The following C6orf132 variants were observed in gnomAD, a reference collection of about 807,000 sequenced individuals.
C6orf132 encodes the protein chromosome 6 open reading frame 132.
C6orf132 carries 43 observed loss-of-function variants against 65.3 expected under a neutral mutation model. The observed-to-expected ratio is 0.66, with a 90% CI of 0.52 to 0.85. C6orf132 has a LOEUF of 0.85. C6orf132 is among the 40% of genes least tolerant of loss of function. C6orf132 has a pLI of 0.00. For missense variants in C6orf132, 1,488 were observed against 1,548.8 expected, an observed-to-expected ratio of 0.96 and a Z score of 0.66; for synonymous variants, 631 against 654.1, an observed-to-expected ratio of 0.96 and a Z score of 0.54.
chr6:42,107,081 C>A lies in C6orf132; in HGVS notation c.831G>T (p.Pro277=). The A allele has an allele frequency of 6.8e-7, 1 of 1,468,328 alleles. No individual in the cohort carries two copies. The highest frequency in any genetic ancestry group is 9.0e-7 in the Non-Finnish European group (1 of 1,111,976). 91.0% of individuals were successfully genotyped at this position (1,468,328 alleles called of 1,614,324 possible). A position where few individuals can be genotyped will look rare whatever the true frequency, so the allele number is the denominator to read the frequency against. Residue 277 remains proline (P), a synonymous_variant, in exon 4 of 5, where the codon CCG becomes CCT. Coordinates refer to ENST00000341865, the MANE Select transcript of C6orf132 (RefSeq NM_001164446.3). The part of the protein sequence containing the change: ...RQAEATRASP[P]RSPAEPKGSA... ...TCCCCTTTGGCTCAGCAGGGCTTCT[C>A]GGGGGGCTGGCTCTGGTGGCCTCTG... is the stretch of plus-strand genomic sequence containing the variant.
At chr6:42,115,146 C>A (rs538971502) in intron 2 of C6orf132, among the ~76,000 whole-genome samples, 23 of 150,102 alleles carry the variant, frequency 1.5e-4, no homozygotes, top group Non-Finnish European at 2.8e-4. Flanking sequence ...AAAAATTAGC[C>A]GGGCATGGTG....
chr6:42,105,533 C>T lies in C6orf132; in HGVS notation c.2379G>A (p.Gly793=). 1 of 1,534,006 alleles carries T rather than the reference C, an allele frequency of 6.5e-7. No individual in the cohort carries two copies. Among genetic ancestry groups the T allele is most frequent in the Non-Finnish European group, 8.7e-7 (1 of 1,144,972 alleles). The change falls in exon 4 of 5, where the codon GGG becomes GGA. Residue 793 remains glycine (G), a synonymous_variant. Transcript: ENST00000341865. Reference sequence around the variant, plus strand: ...CCACGGGCTCCCCTGGCCCTGCAGCCCCTCCTCTGGCCAGGGTGGGCATCA... The same window carrying T: ...CCACGGGCTCCCCTGGCCCTGCAGCTCCTCCTCTGGCCAGGGTGGGCATCA... The part of the protein sequence containing the change: ...AVVMPTLARG[G]AAGPGEPVEV...
At chr6:42,117,361 T>G (rs1766598894) in intron 2 of C6orf132, among the ~76,000 whole-genome samples, 1 of 152,130 alleles carries the variant, frequency 6.6e-6, no homozygotes, top group South Asian at 2.1e-4. Context: ...TTGCCCAAGG[T>G]CACACAGCTA....
rs530651793 is a variant in C6orf132 at position 42,113,865 on chromosome 6, G to A, written c.253-3574C>T. On this transcript the variant is annotated intron_variant, in intron 2 of 4. Transcript: ENST00000341865. ...AAAAAAAAAGAAAATTGAGCCAATA[G>A]TTCCTACTTTGCAGGGCTATTATGA... 1.2e-4 allele frequency among the ~76,000 whole-genome samples: 19 copies of A among 152,110 alleles called. No homozygotes were observed. The East Asian group carries it at 3.7e-3, about 29-fold the overall frequency.
At chr6:42,134,529 T>G (rs2127479736) in intron 1 of C6orf132, among the ~76,000 whole-genome samples, 1 of 151,888 alleles carries the variant, frequency 6.6e-6, no homozygotes, top group Admixed American at 6.6e-5. Context: ...ATCCCAGCAC[T>G]TTGGGAGGCC....
At chr6:42,132,722 C>T (rs1447172109) in intron 1 of C6orf132, among the ~76,000 whole-genome samples, 1 of 150,550 alleles carries the variant, frequency 6.6e-6, no homozygotes, top group Non-Finnish European at 1.5e-5. Context: ...GTGGTGGGCA[C>T]CTGTAATCCC....
At position 42,107,325 on chromosome 6, in the gene C6orf132, G is replaced by T; in HGVS notation, c.587C>A (p.Ala196Asp). ...MAPPPPPVLE[A>D]LSPPHTLSSP... is the part of the protein sequence containing the mutation. ...GGAAAGAGTGTGTGGTGGGGATAGGGCCTCCAATACTGGGGGTGGAGGTGG... is the reference window on the plus strand; with the variant it reads ...GGAAAGAGTGTGTGGTGGGGATAGGTCCTCCAATACTGGGGGTGGAGGTGG... Residue 196 changes from alanine to aspartate, a missense_variant, in exon 4 of 5, where the codon GCC becomes GAC. Transcript: ENST00000341865. The T allele has an allele frequency of 1.9e-6, 2 of 1,033,568 alleles. No individual in the cohort carries two copies. The highest frequency in any genetic ancestry group is 2.5e-6 in the Non-Finnish European group (2 of 796,698). 64.0% of individuals were successfully genotyped at this position (1,033,568 alleles called of 1,614,324 possible). A position where few individuals can be genotyped will look rare whatever the true frequency, so the allele number is the denominator to read the frequency against.
Position 42,101,915 on chromosome 6 carries a change from C to G in C6orf132, c.*1846G>C, listed in dbSNP as rs141812997. On this transcript the variant is annotated 3_prime_UTR_variant, in exon 5 of 5. Coordinates refer to ENST00000341865, the MANE Select transcript of C6orf132 (RefSeq NM_001164446.3). Reference sequence around the variant, plus strand: ...ATAATAAAGGTCCAACATCTTCCCCCCAAAGGGAACTACTTTCTGGCTGGC... The same window carrying G: ...ATAATAAAGGTCCAACATCTTCCCCGCAAAGGGAACTACTTTCTGGCTGGC... 6 of 152,250 alleles carry G rather than the reference C, an allele frequency of 3.9e-5. No individual in the cohort carries two copies. The highest frequency in any genetic ancestry group is 2.1e-4 in the South Asian group (1 of 4,836). The allele number at this position is 152,250 out of a possible 1,614,324, so 9.4% of individuals were successfully genotyped here. A position where few individuals can be genotyped will look rare whatever the true frequency, so the allele number is the denominator to read the frequency against.
At chr6:42,139,083 T>G (rs144200910) in intron 1 of C6orf132, among the ~76,000 whole-genome samples, 2,222 of 152,340 alleles carry the variant, frequency 0.015, 15 homozygotes, top group Middle Eastern at 0.02. Context: ...GATTTTTACA[T>G]GGCTGCAACC....
At chr6:42,116,315 G>A (rs1213820896) in intron 2 of C6orf132, among the ~76,000 whole-genome samples, 1 of 152,126 alleles carries the variant, frequency 6.6e-6, no homozygotes, top group Non-Finnish European at 1.5e-5. Context: ...CCATTTTCCA[G>A]ATGAGGAAAT....
chr6:42,104,333 C>T lies in C6orf132; in HGVS notation c.3449+130G>A. ...CTCTCCCGGTAAGTGGGCCTCCCTC[C>T]CGCGTTCTACCTGCAAGGCCGAAGG... On this transcript the variant is annotated intron_variant, in intron 4 of 4. Coordinates refer to ENST00000341865, the MANE Select transcript of C6orf132 (RefSeq NM_001164446.3). This position sits in a 1 kb window ranked among gnomAD's most constrained non-coding sequence, Gnocchi z 4.1. 8.2e-7 allele frequency: 1 copy of T among 1,220,772 alleles called. No homozygotes were observed. The highest frequency in any genetic ancestry group is 1.0e-6 in the Non-Finnish European group (1 of 980,516). The allele number at this position is 1,220,772 out of a possible 1,614,324, so 75.6% of individuals were successfully genotyped here.
In C6orf132 at chr6:42,104,243, G is replaced by C. The variant is rs571932927; in HGVS notation, c.3449+220C>G. Among the ~76,000 whole-genome samples, 12 of 152,316 alleles carry C rather than the reference G, an allele frequency of 7.9e-5. No homozygotes were observed. Among genetic ancestry groups the C allele is most frequent in the African/African-American group, 2.9e-4 (12 of 41,542 alleles). On this transcript the variant is annotated intron_variant, in intron 4 of 4. Coordinates refer to ENST00000341865, the MANE Select transcript of C6orf132 (RefSeq NM_001164446.3). The surrounding 1 kb of genome is among the most constrained non-coding windows in gnomAD (Gnocchi z 4.1). ...TCTAGCGGGCAGGAGAGAGACAGAC[G>C]AGAGGAGCTGGTGGGGAAAGAGAAG...
At position 42,105,540 on chromosome 6, in the gene C6orf132, C is replaced by A; in HGVS notation, c.2372G>T (p.Arg791Ile). The change falls in exon 4 of 5, where the codon AGA becomes ATA. Residue 791 changes from arginine (R) to isoleucine (I), a missense_variant. By Grantham distance (97) the Arg-to-Ile change is moderately conservative. Transcript: ENST00000341865. ...EVAVVMPTLARGGAAGPGEPV... is the reference protein window; with the variant it reads ...EVAVVMPTLAIGGAAGPGEPV... ...CTCCCCTGGCCCTGCAGCCCCTCCT[C>A]TGGCCAGGGTGGGCATCACCACAGC... The A allele has an allele frequency of 2.0e-6, 3 of 1,534,666 alleles. No individual in the cohort carries two copies. Among genetic ancestry groups the A allele is most frequent in the Non-Finnish European group, 2.6e-6 (3 of 1,145,422 alleles).
chr6:42,128,770 A>C lies in C6orf132; in HGVS notation c.154T>G (p.Tyr52Asp), dbSNP rs1220948972. ...EEGTGGFDGI[Y>D]YGDNRFNTVS... ...GTGTTAAACCGATTGTCTCCATAAT[A>C]GATGCCATCTAGAGAACACAAGTGA... Residue 52 changes from tyrosine (Y) to aspartate (D), a missense_variant, in exon 2 of 5, where the codon TAT becomes GAT. By Grantham distance (160) the Tyr-to-Asp change is radical. Transcript: ENST00000341865. 1.1e-5 allele frequency: 17 copies of C among 1,550,812 alleles called. No individual in the cohort carries two copies.
rs1157701885 is a variant in C6orf132 at position 42,106,188 on chromosome 6, G to C, written c.1724C>G (p.Ser575Cys). 3.3e-6 allele frequency: 5 copies of C among 1,537,258 alleles called. No individual in the cohort carries two copies. The Admixed American group carries it at 9.8e-5, about 30-fold the overall frequency. The change falls in exon 4 of 5, where the codon TCC becomes TGC. Residue 575 changes from serine to cysteine, a missense_variant. Coordinates refer to ENST00000341865, the MANE Select transcript of C6orf132 (RefSeq NM_001164446.3). The part of the protein sequence containing the change: ...QIRNELEARL[S>C]SAAEKEAKPS... ...CTTAGCCTCCTTCTCTGCTGCTGAG[G>C]AGAGCCGGGCCTCCAGCTCATTCCG...
At chr6:42,128,901 A>G in intron 1 of C6orf132, 123 bp from the exon 2 acceptor site, 1 of 680,864 alleles carries the variant, frequency 1.5e-6, no homozygotes, top group East Asian at 2.8e-5. Flanking sequence ...CCAGTGTTGG[A>G]TTCAGCTAAG....
At chr6:42,134,547 G>A (rs937243259) in intron 1 of C6orf132, among the ~76,000 whole-genome samples, 3 of 152,088 alleles carry the variant, frequency 2.0e-5, no homozygotes, top group Non-Finnish European at 2.9e-5. Flanking sequence ...GCCAAGGCGG[G>A]TGGATCACCT....
intron 2 of C6orf132, among the ~76,000 whole-genome samples, chr6:42,116,357 A>G (rs79942813): frequency 3.3e-4 from 51 of 152,264 alleles, no homozygotes; most frequent in Non-Finnish European, 5.3e-4. Context: ...GACATGCCCA[A>G]GGTCCCACAG....
At position 42,106,094 on chromosome 6, in the gene C6orf132, A is replaced by G. The variant is rs1317302463; in HGVS notation, c.1818T>C (p.Asp606=). 6.5e-7 allele frequency: 1 copy of G among 1,537,246 alleles called. No individual in the cohort carries two copies. Among genetic ancestry groups the G allele is most frequent in the Admixed American group, 2.0e-5 (1 of 50,996 alleles). ...CCACAGGCTTGGAGAGTTTGTCATC[A>G]TCAGCCCCGTTTTCACAAATTCTTC... The part of the protein sequence containing the change: ...EGGRICENGA[D]DDKLSKPVAK... The change falls in exon 4 of 5, where the codon GAT becomes GAC. Residue 606 remains aspartate (D), a synonymous_variant. Transcript: ENST00000341865.
Sources: allele counts gnomAD v4.1 joint callset (sites outside exome capture counted in the v4.1 genomes callset), GRCh38; gene constraint gnomAD v4.1.1; non-coding constraint Gnocchi (gnomAD v3.1); transcripts MANE v1.5; gene names NCBI Gene and HGNC (gene_info 2026-07-23, HGNC 2026-07-21).